ACSL3: variants seen among roughly 807,000 people sequenced by gnomAD.
The protein encoded by ACSL3 is acyl-CoA synthetase long chain family member 3, also known as fatty acid CoA ligase Acsl3.
In ACSL3, 34 loss-of-function variants were observed where a neutral mutation model predicts 84.7. That is an observed-to-expected ratio of 0.40 (90% confidence interval 0.31 to 0.53). The LOEUF (loss-of-function observed/expected upper bound fraction) is 0.53, where lower values mean the gene tolerates loss of function less well. Among genes scored for constraint, ACSL3 ranks in the 20% least tolerant of loss-of-function variants. The pLI is 0.48. For missense variants in ACSL3, 680 were observed against 873.1 expected, an observed-to-expected ratio of 0.78 and a Z score of 2.79; for synonymous variants, 315 against 299.4, an observed-to-expected ratio of 1.05 and a Z score of -0.54.
intron 8 of ACSL3, 112 bp downstream of exon 8, chr2:222,921,542 G>A: frequency 4.8e-6 from 5 of 1,050,676 alleles, no homozygotes; most frequent in Non-Finnish European, 6.6e-6. Flanking sequence ...GAGTCTGTTT[G>A]TAGTAGGCAT....
At chr2:222,862,940 C>G (rs562092181) in intron 1 of ACSL3, among the ~76,000 whole-genome samples, 4 of 152,304 alleles carry the variant, frequency 2.6e-5, no homozygotes, top group Admixed American at 6.5e-5. Context: ...AGGGGAAAAT[C>G]ATCCTCTGTC....
chr2:222,921,800 T>A (rs1164523491), intron 8 of ACSL3, among the ~76,000 whole-genome samples: 4 of 152,116 alleles, frequency 2.6e-5, no homozygotes, highest in Non-Finnish European at 5.9e-5. Context: ...GGTCTCTGAT[T>A]TTTCTTGTTA....
chr2:222,882,085 A>G (rs560385446), intron 1 of ACSL3, among the ~76,000 whole-genome samples: 136 of 152,352 alleles, frequency 8.9e-4, no homozygotes, highest in African/African-American at 3.1e-3. Flanking sequence ...CAGCTCTTGT[A>G]AACTAGGTAA....
At chr2:222,917,866 T>A (rs1696625019) in intron 5 of ACSL3, 180 bp from the exon 6 acceptor site, 1 of 388,874 alleles carries the variant, frequency 2.6e-6, no homozygotes, top group South Asian at 1.2e-4. Context: ...TAGGGGAGGA[T>A]GAGTAGGTGT....
intron 14 of ACSL3, among the ~76,000 whole-genome samples, chr2:222,931,413 A>T (rs1697027434): frequency 5.5e-5 from 3 of 54,698 alleles, no homozygotes; most frequent in African/African-American, 2.1e-4. Context: ...GACTCTGTCT[A>T]AAAAAAAAAA....
intron 12 of ACSL3, 70 bp downstream of exon 12, chr2:222,927,259 G>A: frequency 6.5e-7 from 1 of 1,528,192 alleles, no homozygotes; most frequent in Non-Finnish European, 9.0e-7. Context: ...GATATTTTCT[G>A]CAAATATATA....
intron 16 of ACSL3, among the ~76,000 whole-genome samples, chr2:222,938,020 A>G (rs1359940730): frequency 6.6e-6 from 1 of 152,116 alleles, no homozygotes; most frequent in Non-Finnish European, 1.5e-5. Flanking sequence ...TATTAACAGT[A>G]TATTTTAGTT....
At chr2:222,909,201 T>A (rs202184974) in intron 4 of ACSL3, 51 bp downstream of exon 4, 14 of 1,546,166 alleles carry the variant, frequency 9.1e-6, no homozygotes, top group Admixed American at 2.1e-5. Flanking sequence ...AATATCCTGT[T>A]AGAAATGAAG....
intron 8 of ACSL3, among the ~76,000 whole-genome samples, chr2:222,922,379 A>G (rs968158986): frequency 1.3e-5 from 2 of 152,116 alleles, no homozygotes; most frequent in East Asian, 1.9e-4. Context: ...TGTTTAAGCC[A>G]CTGTTTCTTG....
At chr2:222,938,402 T>G (rs548747191) in intron 16 of ACSL3, among the ~76,000 whole-genome samples, 6 of 152,310 alleles carry the variant, frequency 3.9e-5, no homozygotes, top group African/African-American at 1.4e-4. Context: ...AATTTTTCCC[T>G]TATTTTCGAA....
In ACSL3 at chr2:222,941,715, A is replaced by T; in HGVS notation, c.*61A>T. 1 of 1,506,404 alleles carries T rather than the reference A, an allele frequency of 6.6e-7. No homozygotes were observed. The highest frequency in any genetic ancestry group is 1.3e-5 in the South Asian group (1 of 77,552). The allele number at this position is 1,506,404 out of a possible 1,614,324, so 93.3% of individuals were successfully genotyped here. A position where few individuals can be genotyped will look rare whatever the true frequency, so the allele number is the denominator to read the frequency against. ...TCAGATCAAATAGGAAAATACTTGA[A>T]ATGCATGTCTCAAGCTGCAAGGCAA... On this transcript the variant is annotated 3_prime_UTR_variant, in exon 17 of 17. Coordinates refer to ENST00000357430, the MANE Select transcript of ACSL3 (RefSeq NM_004457.5).
intron 8 of ACSL3, among the ~76,000 whole-genome samples, chr2:222,921,640 A>G (rs533137196): frequency 1.4e-3 from 213 of 152,320 alleles, no homozygotes; most frequent in African/African-American, 4.8e-3. Context: ...GATATATTTT[A>G]AAAAGTACAG....
At chr2:222,934,720 G>T in intron 16 of ACSL3, 33 bp downstream of exon 16, 1 of 1,594,162 alleles carries the variant, frequency 6.3e-7, no homozygotes, top group Non-Finnish European at 8.5e-7. Context: ...ACTAAAAACT[G>T]AGATGGGAAG....
intron 5 of ACSL3, chr2:222,917,778 C>A: frequency 4.4e-6 from 1 of 228,546 alleles, no homozygotes; most frequent in Non-Finnish European, 8.4e-6. Flanking sequence ...TGTGGTAGTC[C>A]CAGAGTAACA....
chr2:222,879,814 C>T (rs1403589495), intron 1 of ACSL3, among the ~76,000 whole-genome samples: 1 of 152,106 alleles, frequency 6.6e-6, no homozygotes, highest in East Asian at 1.9e-4. Flanking sequence ...CCCTTCCCAA[C>T]AGTCGTAGGC....
chr2:222,899,976 T>C (rs1696095900), intron 2 of ACSL3, among the ~76,000 whole-genome samples: 1 of 152,096 alleles, frequency 6.6e-6, no homozygotes, highest in Non-Finnish European at 1.5e-5. Flanking sequence ...GCCCAGCAAG[T>C]CCCAGCCTCA....
chr2:222,920,695 C>G (rs1462919462), intron 7 of ACSL3, among the ~76,000 whole-genome samples: 4 of 152,094 alleles, frequency 2.6e-5, no homozygotes, highest in African/African-American at 7.2e-5. Context: ...TACTCCTGTT[C>G]AAAACAACAT....
At chr2:222,906,300 A>T (rs929110664) in intron 3 of ACSL3, among the ~76,000 whole-genome samples, 3 of 152,204 alleles carry the variant, frequency 2.0e-5, no homozygotes, top group Non-Finnish European at 4.4e-5. Flanking sequence ...GCCGATTTTC[A>T]GCAGGGCTTT....
At chr2:222,884,982 T>C (rs545758486) in intron 1 of ACSL3, among the ~76,000 whole-genome samples, 9 of 152,354 alleles carry the variant, frequency 5.9e-5, no homozygotes, top group East Asian at 1.9e-4. Context: ...GCACTTCTCA[T>C]AGTTTTTGCC....
Sources: allele counts gnomAD v4.1 joint callset (sites outside exome capture counted in the v4.1 genomes callset), GRCh38; gene constraint gnomAD v4.1.1; transcripts MANE v1.5; gene names NCBI Gene and HGNC (gene_info 2026-07-23, HGNC 2026-07-21).